ARHGEF16: variants seen among roughly 807,000 people sequenced by gnomAD.
ARHGEF16 encodes Rho guanine exchange factor (GEF) 16.
Under a neutral mutation model 74.1 loss-of-function variants are expected in ARHGEF16, and 59 were observed. The ratio of observed to expected loss-of-function variants is 0.80; its 90% CI spans 0.65 to 0.99. The LOEUF (loss-of-function observed/expected upper bound fraction) is 0.99, where lower values mean the gene tolerates loss of function less well. Ranked by LOEUF, ARHGEF16 falls within the 50% of genes least tolerant of loss-of-function variation. The pLI, the probability that ARHGEF16 is intolerant of heterozygous loss-of-function variation, is 0.00. For synonymous variants in ARHGEF16, 415 were observed against 412.6 expected (o/e 1.01, Z -0.07); for missense variants, 948 against 986.6 (o/e 0.96, Z 0.52).
In ARHGEF16 at chr1:3,473,457, C is replaced by T. The variant is rs771707987; in HGVS notation, c.1240C>T (p.Leu414=). 6.2e-7 allele frequency: 1 copy of T among 1,612,608 alleles called. No individual in the cohort carries two copies. Among genetic ancestry groups the T allele is most frequent in the South Asian group, 1.1e-5 (1 of 91,078 alleles). ...EIERRPACGG[L]PMLSFLILPM... ...TGAGAGGCGGCCGGCGTGCGGGGGC[C>T]TGCCCATGCTCTCCTTCCTGATCCT... is the stretch of plus-strand genomic sequence containing the variant. The change falls in exon 8 of 15, where the codon CTG becomes TTG. Residue 414 remains leucine (L), a synonymous_variant. Coordinates refer to ENST00000378378, the MANE Select transcript of ARHGEF16 (RefSeq NM_014448.4).
At position 3,479,436 on chromosome 1, in the gene ARHGEF16, T is replaced by C. The variant is rs78477458; in HGVS notation, c.1815-81T>C. On this transcript the variant is annotated intron_variant, in intron 12 of 14. Coordinates refer to ENST00000378378, the MANE Select transcript of ARHGEF16 (RefSeq NM_014448.4). ...CCCCATCTCCTTGCCACGGCCCCCA[T>C]GGGTGGCTGTCAGAAGTCAAGGAAC... 7.0e-6 allele frequency: 10 copies of C among 1,426,178 alleles called. No individual in the cohort carries two copies. The East Asian group carries it at 2.5e-4, about 36-fold the overall frequency. 88.3% of individuals were successfully genotyped at this position (1,426,178 alleles called of 1,614,324 possible).
In ARHGEF16 at chr1:3,463,166, G is replaced by A. The variant is rs1303275353; in HGVS notation, c.82G>A (p.Gly28Arg). The A allele has an allele frequency of 1.3e-5, 20 of 1,515,582 alleles. No individual in the cohort carries two copies. Among genetic ancestry groups the A allele is most frequent in the African/African-American group, 4.2e-5 (3 of 71,758 alleles). 93.9% of individuals were successfully genotyped at this position (1,515,582 alleles called of 1,614,324 possible). A position where few individuals can be genotyped will look rare whatever the true frequency, so the allele number is the denominator to read the frequency against. Residue 28 changes from glycine (G) to arginine (R), a missense_variant, in exon 2 of 15, where the codon GGG (glycine) becomes AGG (arginine). Physicochemically the swap from Gly to Arg is moderately radical, Grantham distance 125 (BLOSUM62 -2). Transcript: ENST00000378378. ...CCACTCGGAGCTCCGGCTCGATGCC[G>A]GGGGGAACCCAGCCTCCGGGCTCCC... ...RFHSELRLDA[G>R]GNPASGLPMV... is the part of the protein sequence containing the mutation.
At chr1:3,478,985 G>A (rs559182408) in intron 12 of ARHGEF16, among the ~76,000 whole-genome samples, 245 of 152,294 alleles carry the variant, frequency 1.6e-3, no homozygotes, top group Non-Finnish European at 3.2e-3. Flanking sequence ...CTGAGGCCCC[G>A]AGGGCACAGC....
intron 8 of ARHGEF16, 183 bp downstream of exon 8, chr1:3,473,705 CCA>C: frequency 1.0e-6 from 1 of 995,416 alleles, no homozygotes; most frequent in Non-Finnish European, 1.5e-6. Context: ...TCGCCGCCAC[CCA>C]CAGAGCTCAC....
chr1:3,479,716 C>A, intron 13 of ARHGEF16, 96 bp from the exon 14 acceptor site: 1 of 1,553,730 alleles, frequency 6.4e-7, no homozygotes, highest in Non-Finnish European at 8.8e-7. Flanking sequence ...GGATGGGGTG[C>A]CCCGGCCCCG....
chr1:3,473,016 G>A, intron 6 of ARHGEF16, 62 bp from the exon 7 acceptor site: 2 of 1,557,816 alleles, frequency 1.3e-6, no homozygotes, highest in Non-Finnish European at 1.7e-6. Context: ...ATGTCTGTGT[G>A]TGCACACGTG....
At chr1:3,480,174 G>A (rs954460975) in intron 14 of ARHGEF16, among the ~76,000 whole-genome samples, 1 of 152,204 alleles carries the variant, frequency 6.6e-6, no homozygotes, top group African/African-American at 2.4e-5. Flanking sequence ...GGCCCAGCAC[G>A]AGCCTGCAGA....
chr1:3,457,798 C>T (rs1433907464), intron 1 of ARHGEF16, among the ~76,000 whole-genome samples: 1 of 152,214 alleles, frequency 6.6e-6, no homozygotes, highest in Non-Finnish European at 1.5e-5. Context: ...CTGCTGCACG[C>T]CTCCTCCTGG....
At chr1:3,472,443 C>A (rs960949579) in intron 6 of ARHGEF16, among the ~76,000 whole-genome samples, 13 of 152,338 alleles carry the variant, frequency 8.5e-5, no homozygotes, top group East Asian at 5.8e-4. Flanking sequence ...ACAGCTGGCC[C>A]CCCCCCGGCC....
At chr1:3,469,720 G>C (rs1639652070) in intron 6 of ARHGEF16, 127 bp downstream of exon 6, 5 of 1,298,234 alleles carry the variant, frequency 3.9e-6, no homozygotes, top group Non-Finnish European at 5.2e-6. Context: ...ATGGTTTAGA[G>C]CAGCTGCTGG....
rs368822587 is a variant in ARHGEF16, at chr1:3,475,839, G to A, written c.1381-131G>A. ...CACACAGTTGATGAGCCCGTGGCAC[G>A]GCTGGTCCAGGGCAGGCACTGTGGG... On this transcript the variant is annotated intron_variant, in intron 9 of 14. Coordinates refer to ENST00000378378, the MANE Select transcript of ARHGEF16 (RefSeq NM_014448.4). 8.0e-5 allele frequency: 63 copies of A among 783,964 alleles called. 1 individual carries two copies. The highest frequency in any genetic ancestry group is 6.0e-4 in the East Asian group (21 of 34,766). 48.6% of individuals were successfully genotyped at this position (783,964 alleles called of 1,614,324 possible).
At chr1:3,479,969 C>A in intron 14 of ARHGEF16, 56 bp downstream of exon 14, 3 of 1,559,022 alleles carry the variant, frequency 1.9e-6, no homozygotes, top group South Asian at 2.2e-5. Context: ...GGGCGTGAGT[C>A]AGCGTCCAGC....
chr1:3,463,678 G>C lies in ARHGEF16; in HGVS notation c.588+6G>C. 1 of 1,410,222 alleles carries C rather than the reference G, an allele frequency of 7.1e-7. No individual in the cohort carries two copies. Among genetic ancestry groups the C allele is most frequent in the South Asian group, 1.8e-5 (1 of 55,762 alleles). 87.4% of individuals were successfully genotyped at this position (1,410,222 alleles called of 1,614,324 possible). On this transcript the variant is annotated splice_donor_region_variant and intron_variant, in intron 2 of 14. Coordinates refer to ENST00000378378, the MANE Select transcript of ARHGEF16 (RefSeq NM_014448.4). ...GGAGCCCGGCCAAAAACAAGGTAGGGGCCTGCTCGTGTGGACCGTGGGGAG... is the reference window on the plus strand; with the variant it reads ...GGAGCCCGGCCAAAAACAAGGTAGGCGCCTGCTCGTGTGGACCGTGGGGAG...
chr1:3,474,448 G>T, intron 8 of ARHGEF16: 1 of 458,094 alleles, frequency 2.2e-6, no homozygotes, highest in Non-Finnish European at 4.0e-6. Flanking sequence ...CAAGTTGGAT[G>T]GAGATGGCCG....
At position 3,471,130 on chromosome 1, in the gene ARHGEF16, G is replaced by C. The variant is rs570105081; in HGVS notation, c.1022+1537G>C. Reference sequence around the variant, plus strand: ...TGTGCCTGGGCAGGGGTGTGTGTGCGTGGGTGTGTGTGCCTGGGCAGGGGT... The same window carrying C: ...TGTGCCTGGGCAGGGGTGTGTGTGCCTGGGTGTGTGTGCCTGGGCAGGGGT... On this transcript the variant is annotated intron_variant, in intron 6 of 14. Coordinates refer to ENST00000378378, the MANE Select transcript of ARHGEF16 (RefSeq NM_014448.4). Among the ~76,000 whole-genome samples, 436 of 150,916 alleles carry C rather than the reference G, an allele frequency of 2.9e-3. 3 individuals are homozygous for C. Among genetic ancestry groups the C allele is most frequent in the African/African-American group, 0.01 (414 of 41,026 alleles).
chr1:3,462,064 C>A (rs1639410385), intron 1 of ARHGEF16, among the ~76,000 whole-genome samples: 1 of 151,080 alleles, frequency 6.6e-6, no homozygotes, highest in Non-Finnish European at 1.5e-5. Flanking sequence ...GGCTCGGGGG[C>A]ACGCGCTGCC....
intron 6 of ARHGEF16, chr1:3,471,681 G>T (rs1569863728): frequency 8.0e-7 from 1 of 1,243,772 alleles, no homozygotes; most frequent in Non-Finnish European, 1.0e-6. Flanking sequence ...ACCTCCTCAG[G>T]GCTTTAGATT....
chr1:3,464,702 A>T (rs1305792260), intron 2 of ARHGEF16, among the ~76,000 whole-genome samples: 7 of 152,144 alleles, frequency 4.6e-5, no homozygotes, highest in Admixed American at 4.6e-4. Context: ...GACCCAGATG[A>T]GTTCCTGAAC....
At chr1:3,466,290 T>C in intron 3 of ARHGEF16, 97 bp downstream of exon 3, 1 of 1,327,282 alleles carries the variant, frequency 7.5e-7, no homozygotes, top group Non-Finnish European at 1.0e-6. Context: ...GTTTGGTGTC[T>C]CGGGGTCACC....
Sources: allele counts gnomAD v4.1 joint callset (sites outside exome capture counted in the v4.1 genomes callset), GRCh38; gene constraint gnomAD v4.1.1; transcripts MANE v1.5; gene names NCBI Gene and HGNC (gene_info 2026-07-23, HGNC 2026-07-21).